The following DDR2 variants were observed in gnomAD, a reference collection of about 807,000 sequenced individuals.
DDR2 encodes discoidin domain-containing receptor 2.
A neutral mutation model predicts 94.9 loss-of-function variants in DDR2; 27 were observed. That is an observed-to-expected ratio of 0.28 (90% CI 0.21 to 0.39). DDR2 has a LOEUF of 0.39. Among genes scored for constraint, DDR2 ranks in the 10% least tolerant of loss-of-function variants. The pLI, the probability that DDR2 is intolerant of heterozygous loss-of-function variation, is 1.00. For missense variants in DDR2, 783 were observed against 1,076.0 expected (o/e 0.73, Z 3.81); for synonymous variants, 382 against 377.2 (o/e 1.01, Z -0.15).
intron 2 of DDR2, among the ~76,000 whole-genome samples, chr1:162,658,918 G>A (rs1658158508): frequency 6.6e-6 from 1 of 152,076 alleles, no homozygotes; most frequent in Non-Finnish European, 1.5e-5. Flanking sequence ...GGTAAACAGG[G>A]CTCCAGAAAC....
At chr1:162,694,499 G>A (rs1319638432) in intron 2 of DDR2, among the ~76,000 whole-genome samples, 4 of 152,162 alleles carry the variant, frequency 2.6e-5, no homozygotes, top group Admixed American at 2.0e-4. Flanking sequence ...ATGTTGTTTA[G>A]TCTGGGAAGC....
At chr1:162,748,606 A>C (rs1663011218) in intron 3 of DDR2, among the ~76,000 whole-genome samples, 1 of 152,192 alleles carries the variant, frequency 6.6e-6, no homozygotes, top group Non-Finnish European at 1.5e-5. Context: ...CAAGACAGAA[A>C]GTTAACAAGG....
intron 2 of DDR2, among the ~76,000 whole-genome samples, chr1:162,665,098 C>T (rs528097163): frequency 2.6e-5 from 4 of 152,300 alleles, no homozygotes; most frequent in Non-Finnish European, 4.4e-5. Flanking sequence ...TAGTTTCCTA[C>T]GTATATTTTC....
In DDR2 at chr1:162,778,621, T is replaced by C. The variant is rs1647719922; in HGVS notation, c.2325T>C (p.Val775=). The C allele has an allele frequency of 6.2e-7, 1 of 1,613,972 alleles. No individual in the cohort carries two copies. The highest frequency in any genetic ancestry group is 8.5e-7 in the Non-Finnish European group (1 of 1,179,952). The part of the protein sequence containing the change: ...TTASDVWAFG[V]TLWETFTFCQ... ...CAAGTGATGTGTGGGCCTTTGGGGT[T>C]ACTTTGTGGGAGACTTTCACCTTTT... Residue 775 remains valine (V), a synonymous_variant, in exon 17 of 18, where the codon GTT becomes GTC. Coordinates refer to ENST00000367921, the MANE Select transcript of DDR2 (RefSeq NM_006182.4).
chr1:162,642,518 G>A (rs1364752473), intron 1 of DDR2, among the ~76,000 whole-genome samples: 3 of 147,580 alleles, frequency 2.0e-5, no homozygotes, highest in East Asian at 4.0e-4. Context: ...TTGAATTCTC[G>A]ACCTCAGGTG....
chr1:162,648,504 T>A (rs1657524740), intron 1 of DDR2, among the ~76,000 whole-genome samples: 1 of 152,064 alleles, frequency 6.6e-6, no homozygotes, highest in African/African-American at 2.4e-5. Flanking sequence ...TGAAAGCCGG[T>A]GAAGTGTTGT....
intron 2 of DDR2, among the ~76,000 whole-genome samples, chr1:162,702,134 C>G (rs1034273114): frequency 6.6e-6 from 1 of 151,994 alleles, no homozygotes; most frequent in Non-Finnish European, 1.5e-5. Flanking sequence ...TCTCCTTTTT[C>G]TCCTCTTTGT....
At chr1:162,648,356 C>T (rs1200020150) in intron 1 of DDR2, among the ~76,000 whole-genome samples, 2 of 152,104 alleles carry the variant, frequency 1.3e-5, no homozygotes, top group Non-Finnish European at 2.9e-5. Context: ...CTGGCTGGTT[C>T]AGTTAACAGT....
chr1:162,698,213 C>A (rs1008141611), intron 2 of DDR2, among the ~76,000 whole-genome samples: 7 of 152,160 alleles, frequency 4.6e-5, no homozygotes, highest in Non-Finnish European at 7.4e-5. Flanking sequence ...TAAGATCAGA[C>A]AAATGGCAAT....
intron 12 of DDR2, chr1:162,770,746 G>T: frequency 1.6e-6 from 1 of 632,476 alleles, no homozygotes; most frequent in South Asian, 1.7e-5. Context: ...AGAAAAGAAA[G>T]AAAAAAATAA....
chr1:162,676,576 A>T (rs777327513), intron 2 of DDR2, among the ~76,000 whole-genome samples: 33 of 152,288 alleles, frequency 2.2e-4, no homozygotes, highest in Non-Finnish European at 4.7e-4. Context: ...TCAAACATAG[A>T]CTCCAAAGCA....
intron 2 of DDR2, among the ~76,000 whole-genome samples, chr1:162,691,314 C>T (rs1308788905): frequency 3.3e-5 from 5 of 152,166 alleles, no homozygotes; most frequent in African/African-American, 4.8e-5. Flanking sequence ...CTGCCTTGCC[C>T]TTAATTGTGC....
intron 2 of DDR2, among the ~76,000 whole-genome samples, chr1:162,668,002 A>T (rs1658664569): frequency 6.6e-6 from 1 of 152,158 alleles, no homozygotes; most frequent in Admixed American, 6.5e-5. Flanking sequence ...ATGTAAACTA[A>T]TGGATAAAGT....
chr1:162,689,424 G>A (rs1448434232), intron 2 of DDR2, among the ~76,000 whole-genome samples: 1 of 152,162 alleles, frequency 6.6e-6, no homozygotes, highest in African/African-American at 2.4e-5. Flanking sequence ...AACCAATGGA[G>A]AAATTAAGGT....
At chr1:162,774,610 T>C (rs1405709622) in intron 14 of DDR2, among the ~76,000 whole-genome samples, 2 of 152,194 alleles carry the variant, frequency 1.3e-5, no homozygotes, top group South Asian at 2.1e-4. Flanking sequence ...GTATTTCTTA[T>C]ATTAATCTTA....
rs1647833167 is a variant in DDR2 at position 162,780,400 on chromosome 1, C to T, written c.*154C>T. 1 of 1,067,086 alleles carries T rather than the reference C, an allele frequency of 9.4e-7. No individual in the cohort carries two copies. Among genetic ancestry groups the T allele is most frequent in the Non-Finnish European group, 1.4e-6 (1 of 739,568 alleles). 66.1% of individuals were successfully genotyped at this position (1,067,086 alleles called of 1,614,324 possible). On this transcript the variant is annotated 3_prime_UTR_variant, in exon 18 of 18. Coordinates refer to ENST00000367921, the MANE Select transcript of DDR2 (RefSeq NM_006182.4). ...CTCTTTTCCTGGTCACCCCCACTCCCTACCCCTGACTCATATACACTTTTT... is the reference window on the plus strand; with the variant it reads ...CTCTTTTCCTGGTCACCCCCACTCCTTACCCCTGACTCATATACACTTTTT...
At chr1:162,670,127 T>C (rs1369600312) in intron 2 of DDR2, among the ~76,000 whole-genome samples, 4 of 152,238 alleles carry the variant, frequency 2.6e-5, no homozygotes, top group Non-Finnish European at 5.9e-5. Flanking sequence ...TTGTTTGTTT[T>C]TGAGACAGAG....
chr1:162,719,248 GCT>G (rs1661302812), intron 3 of DDR2, 103 bp downstream of exon 3: 2 of 1,579,334 alleles, frequency 1.3e-6, no homozygotes, highest in Admixed American at 1.8e-5. Context: ...GGACTACAAA[GCT>G]CTTTCTTTTT....
At chr1:162,636,459 C>A (rs1038620419) in intron 1 of DDR2, among the ~76,000 whole-genome samples, 1 of 152,134 alleles carries the variant, frequency 6.6e-6, no homozygotes, top group Non-Finnish European at 1.5e-5. Flanking sequence ...AAGAACCCCA[C>A]AAAAATCTGT....
Sources: allele counts gnomAD v4.1 joint callset (sites outside exome capture counted in the v4.1 genomes callset), GRCh38; gene constraint gnomAD v4.1.1; transcripts MANE v1.5; gene names NCBI Gene and HGNC (gene_info 2026-07-23, HGNC 2026-07-21).